Variants in NRG1 observed in about 807,000 individuals in gnomAD.
NRG1 encodes pro-neuregulin-1, membrane-bound isoform.
In NRG1, 18 loss-of-function variants were observed where a neutral mutation model predicts 63.8. The observed-to-expected ratio is 0.28, with a 90% CI of 0.19 to 0.42. NRG1 has a LOEUF of 0.42. Ranked by LOEUF, NRG1 falls within the 10% of genes least tolerant of loss-of-function variation. NRG1 has a pLI of 1.00. For missense variants in NRG1, 762 were observed against 814.7 expected, an observed-to-expected ratio of 0.94 and a Z score of 0.79; for synonymous variants, 302 against 301.3, an observed-to-expected ratio of 1.00 and a Z score of -0.02.
At position 32,620,488 on chromosome 8, in the gene NRG1, C is replaced by T. The variant is rs1391329597; in HGVS notation, c.502+3603C>T. Among the ~76,000 whole-genome samples, 4 of 148,870 alleles carry T rather than the reference C, an allele frequency of 2.7e-5. No homozygotes were observed. The Admixed American group carries it at 2.7e-4, about 10-fold the overall frequency. On this transcript the variant is annotated intron_variant, in intron 5 of 11. Transcript: ENST00000356819. ...CTGACTTCACAGCCCCCAAAGTTCC[C>T]TTTTTTCCTCTTTAACTCATGTTGG...
At chr8:31,761,403 G>A (rs1453991803) in intron 1 of NRG1, among the ~76,000 whole-genome samples, 1 of 151,870 alleles carries the variant, frequency 6.6e-6, no homozygotes, top group Non-Finnish European at 1.5e-5. Context: ...GTATACATAC[G>A]TAACTAACCT....
chr8:32,522,734 C>T (rs147899650), intron 1 of NRG1, among the ~76,000 whole-genome samples: 7 of 151,590 alleles, frequency 4.6e-5, no homozygotes, highest in Admixed American at 1.3e-4. Context: ...TAGGTCTTTC[C>T]TATTGTTAAA....
chr8:32,270,290 G>A (rs116913321), intron 1 of NRG1, among the ~76,000 whole-genome samples: 2,369 of 152,314 alleles, frequency 0.016, 27 homozygotes, highest in Non-Finnish European at 0.024. Flanking sequence ...GTCAAGGAGG[G>A]ATCAGAAGCA....
chr8:32,386,321 G>A (rs1377469667), intron 1 of NRG1, among the ~76,000 whole-genome samples: 1 of 152,164 alleles, frequency 6.6e-6, no homozygotes, highest in Non-Finnish European at 1.5e-5. Context: ...TATGCAAAGA[G>A]GAAAACTAAA....
intron 1 of NRG1, among the ~76,000 whole-genome samples, chr8:31,824,563 C>A (rs918928424): frequency 6.6e-6 from 1 of 152,270 alleles, no homozygotes; most frequent in Non-Finnish European, 1.5e-5. Flanking sequence ...TGGCTGAGAT[C>A]AATAAATCTT....
At chr8:31,978,889 C>T (rs917621235) in intron 1 of NRG1, among the ~76,000 whole-genome samples, 1 of 152,132 alleles carries the variant, frequency 6.6e-6, no homozygotes, top group Non-Finnish European at 1.5e-5. Flanking sequence ...TTGCCAACCC[C>T]TAGTTTTTCA....
rs35219061 is a variant in NRG1, at chr8:32,740,190, C to CTTTTT, written c.633-2467_633-2463dup. On this transcript the variant is annotated intron_variant, in intron 6 of 11. Transcript: ENST00000356819. ...GTCTTTTTGAGAAATGACCCAACCT[C>CTTTTT]TTTTTTTTTTTTTTTTTTTTTTGAG... Among the ~76,000 whole-genome samples, 36 of 92,508 alleles carry CTTTTT rather than the reference C, an allele frequency of 3.9e-4. 3 individuals carry two copies. Among genetic ancestry groups the CTTTTT allele is most frequent in the African/African-American group, 7.3e-4 (17 of 23,304 alleles). The allele number at this position is 92,508 out of a possible 152,430, so 60.7% of individuals were successfully genotyped here.
At chr8:32,634,034 A>G (rs1016726605) in intron 5 of NRG1, among the ~76,000 whole-genome samples, 13 of 149,058 alleles carry the variant, frequency 8.7e-5, no homozygotes, top group Non-Finnish European at 1.5e-4. Context: ...GTCCCAGCCA[A>G]TTGGGAGGCT....
chr8:32,342,934 G>A (rs561894167), intron 1 of NRG1, among the ~76,000 whole-genome samples: 4 of 152,274 alleles, frequency 2.6e-5, no homozygotes, highest in South Asian at 4.1e-4. Flanking sequence ...GGTGATTAAT[G>A]AAAACTAAAT....
intron 1 of NRG1, among the ~76,000 whole-genome samples, chr8:32,578,576 T>G (rs1840083798): frequency 6.6e-6 from 1 of 151,690 alleles, no homozygotes; most frequent in Non-Finnish European, 1.5e-5. Context: ...CTGATAGATT[T>G]TTTTTTCACC....
chr8:32,601,283 G>A (rs1346482329), intron 2 of NRG1, among the ~76,000 whole-genome samples: 1 of 152,108 alleles, frequency 6.6e-6, no homozygotes, highest in African/African-American at 2.4e-5. Flanking sequence ...TCTGATTTAA[G>A]CTTTCATTTT....
chr8:31,898,807 G>C (rs1005339280), intron 1 of NRG1, among the ~76,000 whole-genome samples: 1 of 152,146 alleles, frequency 6.6e-6, no homozygotes, highest in Non-Finnish European at 1.5e-5. Context: ...ATAAAATAAA[G>C]GTAATCTCCA....
At chr8:32,729,015 C>A (rs896103968) in intron 6 of NRG1, among the ~76,000 whole-genome samples, 1 of 152,084 alleles carries the variant, frequency 6.6e-6, no homozygotes, top group Non-Finnish European at 1.5e-5. Flanking sequence ...TTGCAGTGAG[C>A]CGAGATTGCA....
intron 5 of NRG1, among the ~76,000 whole-genome samples, chr8:32,627,655 T>C (rs1167516175): frequency 6.6e-6 from 1 of 152,172 alleles, no homozygotes; most frequent in African/African-American, 2.4e-5. Flanking sequence ...CTAGTTTTGT[T>C]TTTTAATTTT....
intron 1 of NRG1, among the ~76,000 whole-genome samples, chr8:31,906,364 A>G (rs886445281): frequency 6.6e-6 from 1 of 152,160 alleles, no homozygotes; most frequent in Non-Finnish European, 1.5e-5. Flanking sequence ...CTTCAGTTTT[A>G]TTGTATCAAC....
chr8:32,493,801 C>G lies in NRG1; in HGVS notation c.38-102027C>G, dbSNP rs192197670. On this transcript the variant is annotated intron_variant, in intron 1 of 10. Coordinates refer to the NRG1 transcript ENST00000519301. ...ACTTTGACTTGAAAGATAATGAGTT[C>G]CCCCTGTTGGAGGATTTGAGGTTTG... is the stretch of plus-strand genomic sequence containing the variant. Among the ~76,000 whole-genome samples, 28 of 152,184 alleles carry G rather than the reference C, an allele frequency of 1.8e-4. 1 individual carries two copies. The highest frequency in any genetic ancestry group is 1.8e-3 in the Admixed American group (28 of 15,280).
At chr8:32,117,129 G>A (rs770406017) in intron 1 of NRG1, among the ~76,000 whole-genome samples, 10 of 151,986 alleles carry the variant, frequency 6.6e-5, no homozygotes, top group African/African-American at 9.7e-5. Flanking sequence ...GCAACAGAGC[G>A]AGACACTGTC....
intron 1 of NRG1, among the ~76,000 whole-genome samples, chr8:32,339,857 T>C (rs1012516202): frequency 1.3e-5 from 2 of 152,184 alleles, no homozygotes; most frequent in Non-Finnish European, 2.9e-5. Flanking sequence ...AAATGCTAAA[T>C]AGTCTACATA....
chr8:31,920,670 G>T (rs1236208598), intron 1 of NRG1, among the ~76,000 whole-genome samples: 2 of 152,050 alleles, frequency 1.3e-5, no homozygotes, highest in African/African-American at 4.8e-5. Context: ...CTCACTATCT[G>T]TATGACCTTG....
Sources: gnomAD v4.1 joint callset for allele counts (sites outside exome capture counted in the v4.1 genomes callset) on GRCh38, gnomAD v4.1.1 for gene constraint, MANE v1.5 for transcripts, NCBI Gene and HGNC (gene_info 2026-07-23, HGNC 2026-07-21) for gene names.